The following PCSK6 variants were observed in gnomAD, a reference collection of about 807,000 sequenced individuals.
PCSK6 encodes proprotein convertase subtilisin/kexin type 6, also known as paired basic amino acid cleaving enzyme 4.
In PCSK6, 85 loss-of-function variants were observed where a neutral mutation model predicts 123.3. The observed-to-expected ratio is 0.69, with a 90% confidence interval of 0.58 to 0.83. The LOEUF (loss-of-function observed/expected upper bound fraction) is 0.83. PCSK6 is among the 40% of genes least tolerant of loss of function. The pLI is 0.00. For missense variants in PCSK6, 1,191 were observed against 1,282.3 expected, an observed-to-expected ratio of 0.93 and a Z score of 1.09; for synonymous variants, 508 against 516.0, an observed-to-expected ratio of 0.98 and a Z score of 0.21.
intron 11 of PCSK6, among the ~76,000 whole-genome samples, chr15:101,371,758 C>T (rs1404068264): frequency 6.6e-6 from 1 of 152,214 alleles, no homozygotes; most frequent in Non-Finnish European, 1.5e-5. Context: ...AATGGAAGCT[C>T]GCGTGGACCC....
chr15:101,384,566 A>T (rs2042006130), intron 9 of PCSK6, 141 bp from the exon 10 acceptor site: 1 of 554,834 alleles, frequency 1.8e-6, no homozygotes, highest in African/African-American at 1.9e-5. Context: ...TTCCTTGGCA[A>T]GGGTTTATTT....
At chr15:101,360,296 A>G (rs2141434623) in intron 13 of PCSK6, among the ~76,000 whole-genome samples, 1 of 152,322 alleles carries the variant, frequency 6.6e-6, no homozygotes, top group Non-Finnish European at 1.5e-5. Context: ...ACAGAAGTTC[A>G]GATCACCTCT....
At chr15:101,441,743 G>A (rs931382289) in intron 2 of PCSK6, among the ~76,000 whole-genome samples, 1 of 152,212 alleles carries the variant, frequency 6.6e-6, no homozygotes, top group Non-Finnish European at 1.5e-5. Flanking sequence ...TATGAGATGG[G>A]CTTCCTGCAT....
In PCSK6 at chr15:101,383,327, T is replaced by G. The variant is rs192624024; in HGVS notation, c.1414+995A>C. On this transcript the variant is annotated intron_variant, in intron 10 of 21. Transcript: ENST00000611716. ...GAGGGATTATTTGAAGGAAAATCGTTTGAACGCAGGAGGCAAAGGTTGCAG... is the reference window on the plus strand; with the variant it reads ...GAGGGATTATTTGAAGGAAAATCGTGTGAACGCAGGAGGCAAAGGTTGCAG... Among the ~76,000 whole-genome samples, 125 of 150,312 alleles carry G rather than the reference T, an allele frequency of 8.3e-4. No homozygotes were observed. In the Middle Eastern group the frequency reaches 0.017, roughly 21 times the overall value.
At chr15:101,468,582 G>A (rs914718323) in intron 1 of PCSK6, among the ~76,000 whole-genome samples, 1 of 152,144 alleles carries the variant, frequency 6.6e-6, no homozygotes, top group Admixed American at 6.5e-5. Flanking sequence ...CATGACTCCA[G>A]GACTCCACAA....
chr15:101,332,165 T>TGCTGGCCA (rs2040385283), intron 13 of PCSK6, 134 bp from the exon 14 acceptor site: 5 of 760,746 alleles, frequency 6.6e-6, no homozygotes, highest in Non-Finnish European at 1.0e-5. Flanking sequence ...CCTGGTTACC[T>TGCTGGCCA]GCTGGCCAGC....
intron 6 of PCSK6, among the ~76,000 whole-genome samples, chr15:101,400,084 C>T (rs1276413747): frequency 6.6e-6 from 1 of 152,140 alleles, no homozygotes; most frequent in African/African-American, 2.4e-5. Context: ...AATGCAGTGA[C>T]ACAGATCATA....
At chr15:101,319,069 C>A (rs1402261463) in intron 18 of PCSK6, among the ~76,000 whole-genome samples, 1 of 152,238 alleles carries the variant, frequency 6.6e-6, no homozygotes, top group African/African-American at 2.4e-5. Context: ...TGGATGGCTT[C>A]TGCCACCTTC....
At chr15:101,359,429 T>C (rs1299580954) in intron 13 of PCSK6, among the ~76,000 whole-genome samples, 1 of 152,264 alleles carries the variant, frequency 6.6e-6, no homozygotes, top group African/African-American at 2.4e-5. Flanking sequence ...ACTAATCCTG[T>C]GTCCTCTGTA....
At chr15:101,406,888 C>T (rs1489689167) in intron 6 of PCSK6, among the ~76,000 whole-genome samples, 1 of 152,224 alleles carries the variant, frequency 6.6e-6, no homozygotes, top group Non-Finnish European at 1.5e-5. Context: ...GCCAGCGACG[C>T]TCCTTATGGG....
chr15:101,364,820 G>A (rs1027744375), intron 13 of PCSK6: 1 of 491,872 alleles, frequency 2.0e-6, no homozygotes, highest in Non-Finnish European at 3.7e-6. Flanking sequence ...AAATTCACAT[G>A]GAATTACACG....
chr15:101,477,997 G>GC (rs2057775005), intron 1 of PCSK6, among the ~76,000 whole-genome samples: 1 of 152,174 alleles, frequency 6.6e-6, no homozygotes, highest in Non-Finnish European at 1.5e-5. Flanking sequence ...GGTCCCTTCT[G>GC]CCCCAACCCT....
intron 6 of PCSK6, among the ~76,000 whole-genome samples, chr15:101,411,132 A>G (rs533419760): frequency 5.3e-5 from 8 of 152,216 alleles, no homozygotes; most frequent in Non-Finnish European, 1.0e-4. Flanking sequence ...CTGAGGAAAG[A>G]CGGGAAGCAG....
intron 20 of PCSK6, chr15:101,308,466 C>A (rs1461754837): frequency 6.6e-6 from 1 of 152,276 alleles, no homozygotes; most frequent in Non-Finnish European, 1.5e-5. Flanking sequence ...TCACCACGGA[C>A]TCCGCTGCTC....
At chr15:101,374,040 C>G (rs773136351) in intron 11 of PCSK6, among the ~76,000 whole-genome samples, 8 of 152,322 alleles carry the variant, frequency 5.3e-5, no homozygotes, top group Admixed American at 2.6e-4. Flanking sequence ...GCAAAACCTG[C>G]CTGGAGACCG....
intron 2 of PCSK6, among the ~76,000 whole-genome samples, chr15:101,432,378 G>A (rs535055948): frequency 4.2e-4 from 64 of 150,766 alleles, no homozygotes; most frequent in African/African-American, 1.4e-3. Context: ...ATCCCAGCAC[G>A]TTGGGAGGCC....
At chr15:101,437,552 T>C (rs1315487438) in intron 2 of PCSK6, among the ~76,000 whole-genome samples, 2 of 152,140 alleles carry the variant, frequency 1.3e-5, no homozygotes, top group Non-Finnish European at 2.9e-5. Flanking sequence ...CAGCCATAAC[T>C]GCAACAGCGT....
At chr15:101,379,704 A>G (rs545829686) in intron 11 of PCSK6, among the ~76,000 whole-genome samples, 1 of 152,210 alleles carries the variant, frequency 6.6e-6, no homozygotes, top group South Asian at 2.1e-4. Flanking sequence ...AGTTAGAAGA[A>G]GACGGGAAAA....
chr15:101,312,892 C>T (rs1255305868), intron 20 of PCSK6: 1 of 310,052 alleles, frequency 3.2e-6, no homozygotes, highest in Non-Finnish European at 5.0e-6. Context: ...GTAGTCCCAG[C>T]TACTCGGGAG....
Sources: allele counts gnomAD v4.1 joint callset (sites outside exome capture counted in the v4.1 genomes callset), GRCh38; gene constraint gnomAD v4.1.1; transcripts MANE v1.5; gene names NCBI Gene and HGNC (gene_info 2026-07-23, HGNC 2026-07-21).